PTPN14: variants seen among roughly 807,000 people sequenced by gnomAD.
PTPN14 encodes protein tyrosine phosphatase non-receptor type 14.
A neutral mutation model predicts 126.8 loss-of-function variants in PTPN14; 53 were observed. The ratio of observed to expected loss-of-function variants is 0.42; its 90% CI spans 0.34 to 0.53. The LOEUF is 0.53. Ranked by LOEUF, PTPN14 falls within the 20% of genes least tolerant of loss-of-function variation. PTPN14 has a pLI of 0.08. For synonymous variants in PTPN14, 630 were observed against 599.3 expected, an observed-to-expected ratio of 1.05 and a Z score of -0.75; for missense variants, 1,257 against 1,552.9, an observed-to-expected ratio of 0.81 and a Z score of 3.20.
chr1:214,375,339 G>A (rs2936017), intron 15 of PTPN14, among the ~76,000 whole-genome samples: 122,004 of 152,182 alleles, frequency 0.8, 49,419 homozygotes, highest in African/African-American at 0.92. Context: ...AGACAAGGCC[G>A]AAAACAGGTT....
intron 1 of PTPN14, chr1:214,482,945 T>C: frequency 6.2e-7 from 1 of 1,606,834 alleles, no homozygotes; most frequent in South Asian, 1.1e-5. Flanking sequence ...CCTCAGATTT[T>C]TCCAGCTTAC....
chr1:214,398,835 G>A lies in PTPN14; in HGVS notation c.670-834C>T, dbSNP rs544739278. On this transcript the variant is annotated intron_variant, in intron 7 of 18. Coordinates refer to ENST00000366956, the MANE Select transcript of PTPN14 (RefSeq NM_005401.5). ...GGCTGGGGTGCAGTGGCGTGATCCCGGCTAACTGCAACCTCCACCTCCCAG... is the reference window on the plus strand; with the variant it reads ...GGCTGGGGTGCAGTGGCGTGATCCCAGCTAACTGCAACCTCCACCTCCCAG... Among the ~76,000 whole-genome samples, 80 of 150,956 alleles carry A rather than the reference G, an allele frequency of 5.3e-4. 1 individual carries two copies. Among genetic ancestry groups the A allele is most frequent in the South Asian group, 1.0e-3 (5 of 4,766 alleles).
At chr1:214,490,846 A>AGGGG (rs1661215096) in intron 1 of PTPN14, among the ~76,000 whole-genome samples, 1 of 46,652 alleles carries the variant, frequency 2.1e-5, no homozygotes, top group Non-Finnish European at 3.7e-5. Flanking sequence ...AAAGGAAAGG[A>AGGGG]AAGGAAGGGA....
intron 1 of PTPN14, among the ~76,000 whole-genome samples, chr1:214,488,205 G>A (rs1202755126): frequency 1.3e-5 from 2 of 152,066 alleles, no homozygotes; most frequent in South Asian, 2.1e-4. Context: ...GTACTTATGG[G>A]CCAAGAAAAG....
intron 3 of PTPN14, among the ~76,000 whole-genome samples, chr1:214,421,139 A>G (rs1659535332): frequency 6.6e-6 from 1 of 152,256 alleles, no homozygotes; most frequent in African/African-American, 2.4e-5. Flanking sequence ...CAAAAAGAGG[A>G]AACAACCCAA....
chr1:214,422,230 A>G (rs1490150617), intron 3 of PTPN14, among the ~76,000 whole-genome samples: 1 of 152,170 alleles, frequency 6.6e-6, no homozygotes, highest in Non-Finnish European at 1.5e-5. Flanking sequence ...GAGCAAAACT[A>G]CTCATTCAGT....
intron 6 of PTPN14, among the ~76,000 whole-genome samples, chr1:214,402,558 G>A (rs143121812): frequency 0.024 from 3,557 of 148,866 alleles, 60 homozygotes; most frequent in Middle Eastern, 0.038. Flanking sequence ...TCCTTCACCT[G>A]CCTACCACCC....
At chr1:214,457,109 CTT>C (rs983714884) in intron 2 of PTPN14, among the ~76,000 whole-genome samples, 15 of 152,052 alleles carry the variant, frequency 9.9e-5, no homozygotes, top group Non-Finnish European at 2.2e-4. Flanking sequence ...TGTAAGTTAA[CTT>C]TTATGTGATA....
chr1:214,502,459 T>C (rs1183537116), intron 1 of PTPN14, among the ~76,000 whole-genome samples: 1 of 152,196 alleles, frequency 6.6e-6, no homozygotes, highest in Non-Finnish European at 1.5e-5. Context: ...AAGAAAAACA[T>C]ATGCAAATAG....
intron 5 of PTPN14, among the ~76,000 whole-genome samples, chr1:214,407,431 G>A (rs889422021): frequency 3.3e-5 from 5 of 152,014 alleles, no homozygotes; most frequent in African/African-American, 9.7e-5. Context: ...AGGAGGCTGA[G>A]GTTGTAGTGA....
Position 214,394,814 on chromosome 1 carries a change from G to A in PTPN14, c.846+85C>T, listed in dbSNP as rs923919401. The A allele has an allele frequency of 1.0e-5, 12 of 1,160,620 alleles. No individual in the cohort carries two copies. In the Middle Eastern group the frequency reaches 7.8e-4, roughly 75 times the overall value. 71.9% of individuals were successfully genotyped at this position (1,160,620 alleles called of 1,614,324 possible). On this transcript the variant is annotated intron_variant, in intron 9 of 18. Coordinates refer to ENST00000366956, the MANE Select transcript of PTPN14 (RefSeq NM_005401.5). ...GGGAGTATTTATTATCTCAAGATAG[G>A]GAGAGCAAGGAAAGGACATTAGGAG...
intron 10 of PTPN14, 82 bp from the exon 11 acceptor site, chr1:214,391,127 G>A (rs1430648800): frequency 1.5e-5 from 14 of 941,516 alleles, no homozygotes; most frequent in African/African-American, 6.7e-5. Flanking sequence ...GAGAGGAAGA[G>A]AATAAACAAG....
At chr1:214,417,983 G>A (rs984963137) in intron 3 of PTPN14, among the ~76,000 whole-genome samples, 23 of 152,216 alleles carry the variant, frequency 1.5e-4, no homozygotes, top group African/African-American at 5.3e-4. Flanking sequence ...GGTGAAGACA[G>A]GAGGAGCAGG....
chr1:214,366,621 G>T (rs537214530), intron 17 of PTPN14, among the ~76,000 whole-genome samples: 1 of 152,266 alleles, frequency 6.6e-6, no homozygotes, highest in South Asian at 2.1e-4. Context: ...TTAAAACCTA[G>T]GAGAAACAGA....
chr1:214,495,450 A>G (rs1261375346), intron 1 of PTPN14, among the ~76,000 whole-genome samples: 3 of 152,192 alleles, frequency 2.0e-5, no homozygotes, highest in Non-Finnish European at 4.4e-5. Context: ...CAAAACCAAA[A>G]TTTAATTCAA....
chr1:214,535,900 CT>C (rs1472099785), intron 1 of PTPN14, among the ~76,000 whole-genome samples: 3 of 152,094 alleles, frequency 2.0e-5, no homozygotes, highest in Non-Finnish European at 4.4e-5. Context: ...CTGAATTTAT[CT>C]TTATGACCTA....
Position 214,500,040 on chromosome 1 carries a change from G to A in PTPN14, c.-154-35083C>T, listed in dbSNP as rs567903645. Among the ~76,000 whole-genome samples the A allele has an allele frequency of 2.2e-4, 34 of 151,548 alleles. No individual in the cohort carries two copies. The South Asian group carries it at 2.7e-3, about 12-fold the overall frequency. On this transcript the variant is annotated intron_variant, in intron 1 of 18. Transcript: ENST00000366956. The stretch of plus-strand genomic sequence containing the variant: ...AATGAGAAAATGTCACACATTGTCC[G>A]CAAATGTCCACAAATGTGGGACATT...
intron 16 of PTPN14, 152 bp from the exon 17 acceptor site, chr1:214,369,843 A>G (rs535121369): frequency 1.5e-5 from 10 of 675,894 alleles, no homozygotes; most frequent in African/African-American, 1.1e-4. Context: ...TAGATCCTAT[A>G]CATGCTAGTT....
At chr1:214,381,697 G>A (rs1250617653) in intron 13 of PTPN14, among the ~76,000 whole-genome samples, 2 of 152,204 alleles carry the variant, frequency 1.3e-5, no homozygotes, top group Non-Finnish European at 2.9e-5. Flanking sequence ...CCAGTGATGG[G>A]TTAGGAAGAC....
Sources: gnomAD v4.1 joint callset for allele counts (sites outside exome capture counted in the v4.1 genomes callset) on GRCh38, gnomAD v4.1.1 for gene constraint, MANE v1.5 for transcripts, NCBI Gene and HGNC (gene_info 2026-07-23, HGNC 2026-07-21) for gene names.